The following EIF4G3 variants were observed in gnomAD, a reference collection of about 807,000 sequenced individuals.
The protein encoded by EIF4G3 is eIF-4-gamma 3.
In EIF4G3, 34 loss-of-function variants were observed where a neutral mutation model predicts 186.4. The ratio of observed to expected loss-of-function variants is 0.18; its 90% CI spans 0.14 to 0.24. The LOEUF is 0.24. Among genes scored for constraint, EIF4G3 ranks in the 10% least tolerant of loss-of-function variants. The pLI, the probability that EIF4G3 is intolerant of heterozygous loss-of-function variation, is 1.00. For missense variants in EIF4G3, 1,536 were observed against 1,948.5 expected (o/e 0.79, Z 3.99); for synonymous variants, 673 against 679.5 (o/e 0.99, Z 0.15).
At chr1:20,983,223 A>G (rs970468657) in intron 7 of EIF4G3, among the ~76,000 whole-genome samples, 8 of 152,168 alleles carry the variant, frequency 5.3e-5, no homozygotes, top group African/African-American at 1.9e-4. Context: ...TCACAGAAAA[A>G]CAACAGCCAG....
chr1:20,919,342 G>A (rs6667793), intron 14 of EIF4G3, among the ~76,000 whole-genome samples: 15,623 of 152,138 alleles, frequency 0.1, 1,060 homozygotes, highest in East Asian at 0.28. Flanking sequence ...CCGTATAGCT[G>A]GAAGTACAGG....
rs2097825255 is a variant in EIF4G3, at chr1:21,164,647, C to T, written c.-272+11528G>A. Reference sequence around the variant, plus strand: ...GGCAAAGGTAGGCAGATCACTTGAGCCCAGGAGTTGGAGACCAGCCTGGGC... The same window carrying T: ...GGCAAAGGTAGGCAGATCACTTGAGTCCAGGAGTTGGAGACCAGCCTGGGC... On this transcript the variant is annotated intron_variant, in intron 2 of 36. Transcript: ENST00000602326. Among the ~76,000 whole-genome samples the T allele has an allele frequency of 2.0e-5, 3 of 152,146 alleles. No individual in the cohort carries two copies. The South Asian group carries it at 6.2e-4, about 32-fold the overall frequency.
At chr1:21,139,262 A>G (rs1296652859) in intron 2 of EIF4G3, among the ~76,000 whole-genome samples, 1 of 152,164 alleles carries the variant, frequency 6.6e-6, no homozygotes, top group Non-Finnish European at 1.5e-5. Context: ...TTGAGAAATA[A>G]TCAACTTATT....
intron 32 of EIF4G3, among the ~76,000 whole-genome samples, chr1:20,825,433 C>A (rs1366984315): frequency 6.6e-6 from 1 of 151,976 alleles, no homozygotes; most frequent in Non-Finnish European, 1.5e-5. Context: ...AGGCAACACA[C>A]ACAGCAAGAC....
intron 2 of EIF4G3, among the ~76,000 whole-genome samples, chr1:21,156,249 G>GT (rs1287529610): frequency 6.6e-6 from 1 of 152,106 alleles, no homozygotes; most frequent in African/African-American, 2.4e-5. Flanking sequence ...ATTCTGGATA[G>GT]TTTAAAGGTT....
intron 12 of EIF4G3, among the ~76,000 whole-genome samples, chr1:20,959,531 T>C (rs2096523325): frequency 1.3e-5 from 2 of 151,476 alleles, no homozygotes; most frequent in South Asian, 2.1e-4. Flanking sequence ...CGCAAATAAA[T>C]AGAACCTAAT....
intron 2 of EIF4G3, chr1:21,111,318 A>G: frequency 2.1e-6 from 1 of 471,386 alleles, no homozygotes; most frequent in Non-Finnish European, 4.4e-6. Context: ...TGCCAGCTAG[A>G]TTACCTTGGG....
At position 20,810,883 on chromosome 1, in the gene EIF4G3, G is replaced by A. The variant is rs186152868; in HGVS notation, c.4599C>T (p.Ala1533=). ...MTAVCKAAII[A]DSSTFRVDTA... ...TGTCCACTCTGAAGGTAGAAGAGTCGGCTAAAGGTGATAGAAGAACTAGGA... is the reference window on the plus strand; with the variant it reads ...TGTCCACTCTGAAGGTAGAAGAGTCAGCTAAAGGTGATAGAAGAACTAGGA... The change falls in exon 36 of 37, where the codon GCC becomes GCT. Residue 1533 remains alanine (A), a splice_region_variant and synonymous_variant. Coordinates refer to ENST00000602326, the MANE Select transcript of EIF4G3 (RefSeq NM_001391906.1). The surrounding 1 kb of genome is among the most constrained non-coding windows in gnomAD (Gnocchi z 4.1). The A allele has an allele frequency of 2.8e-4, 447 of 1,609,344 alleles. No individual in the cohort carries two copies. The highest frequency in any genetic ancestry group is 3.6e-4 in the Non-Finnish European group (427 of 1,176,318).
chr1:21,148,914 TG>T (rs998953770), intron 2 of EIF4G3, among the ~76,000 whole-genome samples: 4 of 151,926 alleles, frequency 2.6e-5, no homozygotes, highest in African/African-American at 9.7e-5. Context: ...CCATTAAAGA[TG>T]CCTTCAGAAT....
chr1:20,830,795 G>A (rs1270224815), intron 30 of EIF4G3, among the ~76,000 whole-genome samples: 8 of 152,048 alleles, frequency 5.3e-5, no homozygotes, highest in Admixed American at 5.2e-4. Context: ...AATCTATACT[G>A]CTAACAAAAA....
intron 3 of EIF4G3, among the ~76,000 whole-genome samples, chr1:21,067,981 C>T (rs1432566699): frequency 1.3e-5 from 2 of 152,000 alleles, no homozygotes; most frequent in East Asian, 3.9e-4. Context: ...TGTATGTTTA[C>T]TGTTCTGCAA....
intron 2 of EIF4G3, among the ~76,000 whole-genome samples, chr1:21,127,383 C>G (rs1388793522): frequency 1.3e-5 from 2 of 152,170 alleles, no homozygotes; most frequent in Non-Finnish European, 1.5e-5. Flanking sequence ...CCGCATCTGG[C>G]CTGCATTATT....
chr1:20,882,205 ACACACACAC>A (rs768809307), intron 19 of EIF4G3, among the ~76,000 whole-genome samples: 26 of 151,174 alleles, frequency 1.7e-4, no homozygotes, highest in Admixed American at 4.0e-4. Context: ...ACACACACAC[ACACACACAC>A]AAAATCATTT....
At chr1:21,136,799 T>C (rs2097253944) in intron 2 of EIF4G3, among the ~76,000 whole-genome samples, 2 of 152,140 alleles carry the variant, frequency 1.3e-5, no homozygotes, top group Non-Finnish European at 2.9e-5. Context: ...CAGAAAACAG[T>C]ATTTACACTT....
chr1:21,061,615 G>A (rs1455210736), intron 3 of EIF4G3, among the ~76,000 whole-genome samples: 9 of 152,196 alleles, frequency 5.9e-5, no homozygotes, highest in Middle Eastern at 3.4e-3. Flanking sequence ...TGAAACTTAT[G>A]AGAGGAAGAT....
intron 2 of EIF4G3, among the ~76,000 whole-genome samples, chr1:21,089,703 T>C (rs533876948): frequency 6.6e-6 from 1 of 150,960 alleles, no homozygotes; most frequent in Non-Finnish European, 1.5e-5. Flanking sequence ...TAGGATCACT[T>C]GAGCACAGGA....
Position 20,904,952 on chromosome 1 carries a change from T to C in EIF4G3, c.1683A>G (p.Val561=). The change falls in exon 15 of 37, where the codon GTA becomes GTG. Residue 561 remains valine (V), a synonymous_variant. Coordinates refer to ENST00000602326, the MANE Select transcript of EIF4G3 (RefSeq NM_001391906.1). ...SPVPAQIAIT[V]PKTWKKPKDR... The stretch of plus-strand genomic sequence containing the variant: ...CTTTTGGTTTCTTCCATGTCTTTGG[T>C]ACAGTTATAGCTATTTGAGCTGAAA... 6.2e-7 allele frequency: 1 copy of C among 1,613,882 alleles called. No individual in the cohort carries two copies. Among genetic ancestry groups the C allele is most frequent in the African/African-American group, 1.3e-5 (1 of 75,028 alleles).
chr1:20,909,482 A>G (rs2092824671), intron 14 of EIF4G3, among the ~76,000 whole-genome samples: 1 of 152,220 alleles, frequency 6.6e-6, no homozygotes, highest in African/African-American at 2.4e-5. Context: ...TCATAAAAAG[A>G]TACACCCATT....
chr1:20,935,080 T>C (rs183131182), intron 14 of EIF4G3, among the ~76,000 whole-genome samples: 5 of 152,306 alleles, frequency 3.3e-5, no homozygotes, highest in East Asian at 1.9e-4. Context: ...TGGGCTTTCA[T>C]GTTTCACTAT....
Sources: gnomAD v4.1 joint callset for allele counts (sites outside exome capture counted in the v4.1 genomes callset) on GRCh38, gnomAD v4.1.1 for gene constraint, Gnocchi (gnomAD v3.1) non-coding constraint, MANE v1.5 for transcripts, NCBI Gene and HGNC (gene_info 2026-07-23, HGNC 2026-07-21) for gene names.